The following LRP1B variants were observed in gnomAD, a reference collection of about 807,000 sequenced individuals.
The protein encoded by LRP1B is LDL receptor related protein 1B, also known as low-density lipoprotein receptor-related protein 1B.
In LRP1B, 217 loss-of-function variants were observed where a neutral mutation model predicts 556.6. The ratio of observed to expected loss-of-function variants is 0.39; its 90% CI spans 0.35 to 0.44. LRP1B has a LOEUF of 0.44. Ranked by LOEUF, LRP1B falls within the 20% of genes least tolerant of loss-of-function variation. The pLI is 1.00. For missense variants in LRP1B, 5,053 were observed against 5,620.8 expected, an observed-to-expected ratio of 0.90 and a Z score of 3.23; for synonymous variants, 2,047 against 1,865.8, an observed-to-expected ratio of 1.10 and a Z score of -2.50.
intron 59 of LRP1B, among the ~76,000 whole-genome samples, chr2:140,484,468 C>T (rs1234439738): frequency 1.3e-5 from 2 of 151,948 alleles, no homozygotes; most frequent in African/African-American, 2.4e-5. Flanking sequence ...ATTTGGAGTA[C>T]CAAAGTTATC....
intron 7 of LRP1B, among the ~76,000 whole-genome samples, chr2:141,064,682 T>C (rs1169998489): frequency 6.6e-6 from 1 of 151,972 alleles, no homozygotes; most frequent in Non-Finnish European, 1.5e-5. Flanking sequence ...CACATGATGA[T>C]ATAAATGTTT....
chr2:141,319,328 A>G (rs1467872938), intron 3 of LRP1B, among the ~76,000 whole-genome samples: 1 of 86,702 alleles, frequency 1.2e-5, no homozygotes, highest in African/African-American at 5.9e-5. Context: ...TTTTTTTCCT[A>G]CTCTTACTTG....
intron 2 of LRP1B, among the ~76,000 whole-genome samples, chr2:141,495,106 G>T (rs1683467681): frequency 6.6e-6 from 1 of 151,890 alleles, no homozygotes; most frequent in East Asian, 1.9e-4. Context: ...CTATAAAAAA[G>T]GTAGAAACAT....
At chr2:140,665,640 C>A (rs1685240664) in intron 41 of LRP1B, among the ~76,000 whole-genome samples, 1 of 152,088 alleles carries the variant, frequency 6.6e-6, no homozygotes, top group Non-Finnish European at 1.5e-5. Flanking sequence ...AAACATATTT[C>A]AATTTCAAAG....
At chr2:140,898,584 A>T in intron 23 of LRP1B, 1 of 339,992 alleles carries the variant, frequency 2.9e-6, no homozygotes, top group South Asian at 2.4e-5. Context: ...ACAACCTACC[A>T]CTTTTGCTGA....
chr2:140,698,417 C>T (rs556729100), intron 41 of LRP1B, among the ~76,000 whole-genome samples: 124 of 152,082 alleles, frequency 8.2e-4, no homozygotes, highest in Middle Eastern at 3.4e-3. Flanking sequence ...GCAACAATTG[C>T]GTTCATCTAA....
chr2:142,090,605 C>G (rs1706128971), intron 1 of LRP1B, among the ~76,000 whole-genome samples: 1 of 152,026 alleles, frequency 6.6e-6, no homozygotes. Flanking sequence ...CAATTATTTC[C>G]ACATTTTGAA....
chr2:140,489,151 C>T (rs1332411122), intron 57 of LRP1B, among the ~76,000 whole-genome samples: 1 of 152,008 alleles, frequency 6.6e-6, no homozygotes, highest in Non-Finnish European at 1.5e-5. Context: ...TCCCTTCTCA[C>T]AGCAGGGCTA....
At chr2:140,280,156 T>C (rs560665976) in intron 84 of LRP1B, among the ~76,000 whole-genome samples, 3 of 151,910 alleles carry the variant, frequency 2.0e-5, no homozygotes, top group Non-Finnish European at 2.9e-5. Context: ...AAGGATGGCC[T>C]TCTACTTTCT....
intron 59 of LRP1B, 102 bp from the exon 60 acceptor site, chr2:140,475,439 G>T: frequency 3.7e-6 from 3 of 812,950 alleles, no homozygotes; most frequent in African/African-American, 1.8e-5. Flanking sequence ...CATTAATCTT[G>T]CCATTTTTCT....
At chr2:141,572,434 T>C (rs1046665282) in intron 2 of LRP1B, among the ~76,000 whole-genome samples, 5 of 152,058 alleles carry the variant, frequency 3.3e-5, no homozygotes, top group African/African-American at 1.2e-4. Flanking sequence ...AAAGAAGCAC[T>C]AAATATGGAA....
Position 140,625,110 on chromosome 2 carries a change from A to G in LRP1B, c.6800-23471T>C, listed in dbSNP as rs187649218. On this transcript the variant is annotated intron_variant, in intron 41 of 90. Transcript: ENST00000389484. Reference sequence around the variant, plus strand: ...CTCATTGGAGGGTTTTAACCAAACTATGAACAGTTGTGATGTCTGTGGTTT... The same window carrying G: ...CTCATTGGAGGGTTTTAACCAAACTGTGAACAGTTGTGATGTCTGTGGTTT... Among the ~76,000 whole-genome samples, 477 of 152,306 alleles carry G rather than the reference A, an allele frequency of 3.1e-3. 3 individuals are homozygous for G. Among genetic ancestry groups the G allele is most frequent in the Middle Eastern group, 6.8e-3 (2 of 294 alleles).
intron 2 of LRP1B, among the ~76,000 whole-genome samples, chr2:141,497,584 G>C (rs926496634): frequency 1.3e-5 from 2 of 151,940 alleles, no homozygotes; most frequent in African/African-American, 4.8e-5. Context: ...ATCAGGCGAT[G>C]ATAGAAAAAT....
chr2:141,483,988 T>A (rs2105097178), intron 2 of LRP1B, among the ~76,000 whole-genome samples: 1 of 152,132 alleles, frequency 6.6e-6, no homozygotes, highest in African/African-American at 2.4e-5. Context: ...CTTGTCAATT[T>A]TGGCTTTTGT....
intron 3 of LRP1B, among the ~76,000 whole-genome samples, chr2:141,255,543 G>C (rs913387268): frequency 1.3e-5 from 2 of 151,978 alleles, no homozygotes; most frequent in African/African-American, 4.8e-5. Context: ...TGAACATTGG[G>C]TATTGTATTA....
chr2:141,116,495 A>G (rs985711565), intron 7 of LRP1B, among the ~76,000 whole-genome samples: 1 of 152,120 alleles, frequency 6.6e-6, no homozygotes, highest in African/African-American at 2.4e-5. Flanking sequence ...TTAAATTTTA[A>G]TGAGGCTTAT....
intron 66 of LRP1B, among the ~76,000 whole-genome samples, chr2:140,402,106 C>G (rs965589339): frequency 6.6e-6 from 1 of 152,128 alleles, no homozygotes; most frequent in Non-Finnish European, 1.5e-5. Context: ...TAGCTAAACC[C>G]AGAAAAGCAA....
chr2:141,546,327 C>T (rs1357604113), intron 2 of LRP1B, among the ~76,000 whole-genome samples: 1 of 152,086 alleles, frequency 6.6e-6, no homozygotes, highest in Non-Finnish European at 1.5e-5. Context: ...GAATAATTTG[C>T]TCATGGTCAA....
intron 82 of LRP1B, among the ~76,000 whole-genome samples, 180 bp downstream of exon 82, chr2:140,321,783 G>T (rs1235819155): frequency 6.6e-6 from 1 of 151,822 alleles, no homozygotes; most frequent in East Asian, 1.9e-4. Context: ...AATAAATGCA[G>T]AATGAATTGT....
Sources: gnomAD v4.1 joint callset for allele counts (sites outside exome capture counted in the v4.1 genomes callset) on GRCh38, gnomAD v4.1.1 for gene constraint, MANE v1.5 for transcripts, NCBI Gene and HGNC (gene_info 2026-07-23, HGNC 2026-07-21) for gene names.